The following INPP5D variants were observed in gnomAD, a reference collection of about 807,000 sequenced individuals.
The protein encoded by INPP5D is phosphatidylinositol 3,4,5-trisphosphate 5-phosphatase 1.
INPP5D carries 33 observed loss-of-function variants against 122.9 expected under a neutral mutation model. The observed-to-expected ratio is 0.27, with a 90% CI of 0.20 to 0.36. INPP5D has a LOEUF of 0.36. Among genes scored for constraint, INPP5D ranks in the 10% least tolerant of loss-of-function variants. The pLI is 1.00. For synonymous variants in INPP5D, 584 were observed against 576.2 expected, an observed-to-expected ratio of 1.01 and a Z score of -0.19; for missense variants, 1,053 against 1,412.7, an observed-to-expected ratio of 0.75 and a Z score of 4.08.
At chr2:233,150,579 G>A (rs1421268873) in intron 9 of INPP5D, among the ~76,000 whole-genome samples, 1 of 152,178 alleles carries the variant, frequency 6.6e-6, no homozygotes, top group Non-Finnish European at 1.5e-5. Flanking sequence ...CAGAGCACCT[G>A]ATTACTAAAA....
chr2:233,125,226 G>A (rs760277331), intron 3 of INPP5D, among the ~76,000 whole-genome samples: 1 of 152,266 alleles, frequency 6.6e-6, no homozygotes, highest in Non-Finnish European at 1.5e-5. Context: ...GAGTCTGGGG[G>A]AGGAGAGAAG....
rs142137175 is a variant in INPP5D, at chr2:233,127,526, A to G, written c.524+1607A>G. 2.1e-4 allele frequency among the ~76,000 whole-genome samples: 32 copies of G among 152,382 alleles called. No homozygotes were observed. The East Asian group carries it at 6.2e-3, about 29-fold the overall frequency. ...AATCAGATCTCATCAGTTAGGTCTT[A>G]GTAGGTTAATTATCACATTTCTAAG... On this transcript the variant is annotated intron_variant, in intron 4 of 26. Coordinates refer to ENST00000445964, the MANE Select transcript of INPP5D (RefSeq NM_001017915.3).
intron 11 of INPP5D, among the ~76,000 whole-genome samples, chr2:233,163,269 G>C (rs573189756): frequency 6.6e-6 from 1 of 152,210 alleles, no homozygotes; most frequent in East Asian, 1.9e-4. Flanking sequence ...GCATCCCTCC[G>C]CTCTGGGCTG....
chr2:233,138,861 T>C (rs1400198117), intron 5 of INPP5D, among the ~76,000 whole-genome samples: 2 of 151,996 alleles, frequency 1.3e-5, no homozygotes, highest in Admixed American at 6.6e-5. Flanking sequence ...CTCTCCTGCC[T>C]CAGTCTTCCG....
Position 233,105,967 on chromosome 2 carries a change from G to A in INPP5D, c.199-16140G>A, listed in dbSNP as rs896395948. 6.6e-6 allele frequency among the ~76,000 whole-genome samples: 1 copy of A among 152,206 alleles called. No individual in the cohort carries two copies. The highest frequency in any genetic ancestry group is 6.5e-5 in the Admixed American group (1 of 15,282). ...TGGGAATGAGCATGTGGAACTTGAC[G>A]ATTTGTCCCTATTGGCAGATACTGA... On this transcript the variant is annotated intron_variant, in intron 2 of 26. Transcript: ENST00000445964. This position sits in a 1 kb window ranked among gnomAD's most constrained non-coding sequence, Gnocchi z 4.0.
chr2:233,139,008 C>A (rs1194719993), intron 5 of INPP5D, among the ~76,000 whole-genome samples: 1 of 151,996 alleles, frequency 6.6e-6, no homozygotes, highest in African/African-American at 2.4e-5. Flanking sequence ...CCTGCCTCAG[C>A]CTCCTAAAGT....
rs557855192 is a variant in INPP5D at position 233,197,908 on chromosome 2, G to C, written c.2694-187G>C. Among the ~76,000 whole-genome samples the C allele has an allele frequency of 1.3e-5, 2 of 151,978 alleles. No homozygotes were observed. Among genetic ancestry groups the C allele is most frequent in the Non-Finnish European group, 2.9e-5 (2 of 67,988 alleles). ...TCCCGGCCTGGGGCCAGGTGCTTAC[G>C]AGGCCCTCAGTAATCACGGTGTTGC... On this transcript the variant is annotated intron_variant, in intron 24 of 26. Coordinates refer to ENST00000445964, the MANE Select transcript of INPP5D (RefSeq NM_001017915.3). The surrounding 1 kb of genome is among the most constrained non-coding windows in gnomAD (Gnocchi z 4.4).
In INPP5D at chr2:233,161,811, G is replaced by A. The variant is rs1216224018; in HGVS notation, c.1225G>A (p.Gly409Ser). The A allele has an allele frequency of 1.2e-6, 2 of 1,613,438 alleles. No homozygotes were observed. Among genetic ancestry groups the A allele is most frequent in the Non-Finnish European group, 1.7e-6 (2 of 1,179,650 alleles). Residue 409 changes from glycine to serine, a missense_variant, in exon 11 of 27, where the codon GGC becomes AGC. Coordinates refer to ENST00000445964, the MANE Select transcript of INPP5D (RefSeq NM_001017915.3). ...GCCCGACATGATCACCATCTTCATC[G>A]GCACCTGGAACATGGGTGGGTCCGC... ...PEPDMITIFI[G>S]TWNMGNAPPP...
At chr2:233,065,428 C>T (rs114583985) in intron 1 of INPP5D, among the ~76,000 whole-genome samples, 2,422 of 150,832 alleles carry the variant, frequency 0.016, 70 homozygotes, top group African/African-American at 0.057. Context: ...CTACTTCAGC[C>T]CTCCAAGCAG....
chr2:233,119,520 C>T (rs980104036), intron 2 of INPP5D, among the ~76,000 whole-genome samples: 11 of 152,138 alleles, frequency 7.2e-5, no homozygotes, highest in Admixed American at 2.0e-4. Flanking sequence ...TTGCTTAACA[C>T]GGGGCTTTGT....
At chr2:233,065,988 C>G (rs11677752) in intron 1 of INPP5D, among the ~76,000 whole-genome samples, 23,095 of 150,946 alleles carry the variant, frequency 0.15, 3,833 homozygotes, top group African/African-American at 0.39. Context: ...TTTTGAGACA[C>G]GGTCTTTCGC....
At chr2:233,064,719 T>A (rs1423708824) in intron 1 of INPP5D, among the ~76,000 whole-genome samples, 1 of 151,942 alleles carries the variant, frequency 6.6e-6, no homozygotes, top group East Asian at 1.9e-4. Flanking sequence ...AGGTGGCCTG[T>A]GTGGGGCGGG....
intron 9 of INPP5D, among the ~76,000 whole-genome samples, chr2:233,155,414 G>C (rs2106287458): frequency 6.6e-6 from 1 of 152,216 alleles, no homozygotes; most frequent in Middle Eastern, 3.4e-3. Context: ...CTTGAGGTCA[G>C]GAGTTCAAGA....
chr2:233,069,952 G>A (rs1186910126), intron 1 of INPP5D, among the ~76,000 whole-genome samples: 1 of 152,160 alleles, frequency 6.6e-6, no homozygotes, highest in South Asian at 2.1e-4. Context: ...CCAGTAAGCT[G>A]TACAAGAGAG....
intron 24 of INPP5D, among the ~76,000 whole-genome samples, chr2:233,196,090 C>A (rs1405150003): frequency 6.6e-6 from 1 of 152,188 alleles, no homozygotes; most frequent in Non-Finnish European, 1.5e-5. Flanking sequence ...TGTCACTGCA[C>A]TCCAGCTTAG....
intron 2 of INPP5D, among the ~76,000 whole-genome samples, chr2:233,088,956 A>C (rs7590141): frequency 0.38 from 58,175 of 152,040 alleles, 13,133 homozygotes; most frequent in East Asian, 0.75. Context: ...CCAAGTAGGG[A>C]CCCTAGACCC....
At position 233,204,132 on chromosome 2, in the gene INPP5D, T is replaced by C. The variant is rs754869656; in HGVS notation, c.2982T>C (p.Ser994=). Residue 994 remains serine (S), a synonymous_variant, in exon 26 of 27, where the codon AGT becomes AGC. Coordinates refer to ENST00000445964, the MANE Select transcript of INPP5D (RefSeq NM_001017915.3). ...GCTCTGTCCCTGGCTCTAGGCCCAG[T>C]GACCTGGGGAAGAACGCAGGGGACA... The part of the protein sequence containing the change: ...LPPRTQESRP[S]DLGKNAGDTL... 1.0e-4 allele frequency: 158 copies of C among 1,545,530 alleles called. 3 individuals are homozygous for C. The highest frequency in any genetic ancestry group is 2.4e-5 in the Non-Finnish European group (28 of 1,144,940).
chr2:233,073,104 C>T (rs970773801), intron 1 of INPP5D, among the ~76,000 whole-genome samples: 1 of 152,176 alleles, frequency 6.6e-6, no homozygotes, highest in Non-Finnish European at 1.5e-5. Context: ...TGGTGCCTCG[C>T]TTCAGCCAAA....
intron 18 of INPP5D, 84 bp from the exon 19 acceptor site, chr2:233,182,326 T>G: frequency 6.3e-7 from 1 of 1,576,048 alleles, no homozygotes; most frequent in Non-Finnish European, 8.6e-7. Context: ...AACTAAAGTT[T>G]CTTTCTGCTT....
Sources: allele counts gnomAD v4.1 joint callset (sites outside exome capture counted in the v4.1 genomes callset), GRCh38; gene constraint gnomAD v4.1.1; non-coding constraint Gnocchi (gnomAD v3.1); transcripts MANE v1.5; gene names NCBI Gene and HGNC (gene_info 2026-07-23, HGNC 2026-07-21).